The following PRKCQ variants were observed in gnomAD, a reference collection of about 807,000 sequenced individuals.
PRKCQ encodes the protein protein kinase C theta.
PRKCQ carries 41 observed loss-of-function variants against 91.2 expected under a neutral mutation model. The ratio of observed to expected loss-of-function variants is 0.45; its 90% CI spans 0.35 to 0.58. PRKCQ has a LOEUF of 0.58. Among genes scored for constraint, PRKCQ ranks in the 20% least tolerant of loss-of-function variants. PRKCQ has a pLI of 0.00. For missense variants in PRKCQ, 673 were observed against 896.5 expected, an observed-to-expected ratio of 0.75 and a Z score of 3.18; for synonymous variants, 307 against 316.9, an observed-to-expected ratio of 0.97 and a Z score of 0.33.
chr10:6,486,194 G>A (rs1245086421), intron 8 of PRKCQ, 50 bp from the exon 9 acceptor site: 2 of 1,450,960 alleles, frequency 1.4e-6, no homozygotes, highest in South Asian at 1.1e-5. Flanking sequence ...ACCCCCTGGT[G>A]CTAAACAACT....
intron 8 of PRKCQ, chr10:6,489,524 G>A (rs1179772492): frequency 2.0e-6 from 1 of 505,608 alleles, no homozygotes; most frequent in East Asian, 5.7e-5. Flanking sequence ...TAAGACGACG[G>A]CCTGCAAGGA....
intron 2 of PRKCQ, among the ~76,000 whole-genome samples, chr10:6,514,742 A>G (rs2130868304): frequency 6.6e-6 from 1 of 152,276 alleles, no homozygotes; most frequent in East Asian, 1.9e-4. Context: ...CTCCTTATGT[A>G]ATTTCCTCAA....
At chr10:6,397,110 GT>G in the PRKCQ span, among the ~76,000 whole-genome samples, 4 of 149,194 alleles carry the variant, frequency 2.7e-5, no homozygotes, top group South Asian at 2.1e-4. Context: ...TTATTTGCCT[GT>G]TTTTTTTTTG....
chr10:6,523,314 G>A (rs1171976358), intron 1 of PRKCQ, among the ~76,000 whole-genome samples: 3 of 151,958 alleles, frequency 2.0e-5, no homozygotes, highest in African/African-American at 7.3e-5. Flanking sequence ...AGCTGGGCAT[G>A]GTGGCACACA....
the PRKCQ span, among the ~76,000 whole-genome samples, chr10:6,400,511 T>G: frequency 2.0e-5 from 3 of 152,064 alleles, no homozygotes; most frequent in Non-Finnish European, 2.9e-5. Flanking sequence ...TGAACTATAT[T>G]TCAACACACA....
At chr10:6,407,441 G>A in the PRKCQ span, among the ~76,000 whole-genome samples, 13 of 150,332 alleles carry the variant, frequency 8.6e-5, no homozygotes, top group East Asian at 8.4e-4. The surrounding 1 kb of genome is among the most constrained non-coding windows in gnomAD (Gnocchi z 4.0). Context: ...ACATGTGTGC[G>A]CATGCATGCA....
At chr10:6,469,424 G>A (rs591441) in intron 12 of PRKCQ, among the ~76,000 whole-genome samples, 27,671 of 152,158 alleles carry the variant, frequency 0.18, 2,628 homozygotes, top group Middle Eastern at 0.3. Flanking sequence ...AGGTCCTGGG[G>A]AGTAGTTTAG....
chr10:6,446,357 G>GTTTTTTTTTT (rs66839272), intron 15 of PRKCQ, among the ~76,000 whole-genome samples: 1 of 79,600 alleles, frequency 1.3e-5, no homozygotes, highest in Non-Finnish European at 2.3e-5. Flanking sequence ...ACTATGCTCA[G>GTTTTTTTTTT]TTTTTTTTTT....
chr10:6,428,141 G>C lies in PRKCQ; in HGVS notation c.*66C>G. 2.5e-6 allele frequency: 4 copies of C among 1,584,504 alleles called. No individual in the cohort carries two copies. In the South Asian group the frequency reaches 4.5e-5, roughly 18 times the overall value. ...TTTCCAAGTTGAAAAAGGAACCCAA[G>C]CAGTGTCTCTTGAACCAGTTCCCAG... On this transcript the variant is annotated 3_prime_UTR_variant, in exon 18 of 18. Coordinates refer to ENST00000263125, the MANE Select transcript of PRKCQ (RefSeq NM_006257.5).
intron 4 of PRKCQ, among the ~76,000 whole-genome samples, chr10:6,501,639 T>C (rs183477619): frequency 7.0e-4 from 106 of 151,828 alleles, no homozygotes; most frequent in East Asian, 4.7e-3. Context: ...CTGACCAATA[T>C]GGTGAAACCC....
At position 6,465,636 on chromosome 10, in the gene PRKCQ, C is replaced by T. The variant is rs904191569; in HGVS notation, c.1354-1232G>A. ...TGGGTGGTTTCTTAACAGAATTAACCTTTACGTTTTGATGTGAACCCAACC... is the reference window on the plus strand; with the variant it reads ...TGGGTGGTTTCTTAACAGAATTAACTTTTACGTTTTGATGTGAACCCAACC... On this transcript the variant is annotated intron_variant, in intron 12 of 17. Transcript: ENST00000263125. The surrounding 1 kb of genome is among the most constrained non-coding windows in gnomAD (Gnocchi z 4.4). Among the ~76,000 whole-genome samples the T allele has an allele frequency of 2.6e-5, 4 of 152,182 alleles. No individual in the cohort carries two copies. The highest frequency in any genetic ancestry group is 2.6e-4 in the Admixed American group (4 of 15,278).
downstream of PRKCQ, among the ~76,000 whole-genome samples, chr10:6,424,572 C>G (rs1455025366): frequency 6.6e-6 from 1 of 152,164 alleles, no homozygotes; most frequent in Non-Finnish European, 1.5e-5. Flanking sequence ...TGTTCCCGGT[C>G]TGTGGGTGTT....
At chr10:6,495,807 G>A (rs1449639396) in intron 7 of PRKCQ, among the ~76,000 whole-genome samples, 1 of 152,192 alleles carries the variant, frequency 6.6e-6, no homozygotes, top group Non-Finnish European at 1.5e-5. Context: ...ACAGATGGCA[G>A]GATGGGAGGG....
chr10:6,498,318 C>T (rs1026187008), intron 5 of PRKCQ, 78 bp downstream of exon 5: 1 of 1,524,356 alleles, frequency 6.6e-7, no homozygotes, highest in East Asian at 2.3e-5. Flanking sequence ...CACAGTGGAG[C>T]ATGCCAGCGT....
rs185198449 is a variant in PRKCQ, at chr10:6,434,003, C to T, written c.1837-3065G>A. Among the ~76,000 whole-genome samples, 72 of 142,164 alleles carry T rather than the reference C, an allele frequency of 5.1e-4. 1 individual carries two copies. The highest frequency in any genetic ancestry group is 1.9e-3 in the African/African-American group (71 of 38,318). 93.3% of individuals were successfully genotyped at this position (142,164 alleles called of 152,430 possible). A position where few individuals can be genotyped will look rare whatever the true frequency, so the allele number is the denominator to read the frequency against. On this transcript the variant is annotated intron_variant, in intron 16 of 17. Coordinates refer to ENST00000263125, the MANE Select transcript of PRKCQ (RefSeq NM_006257.5). The stretch of plus-strand genomic sequence containing the variant: ...CCGAGATCGCACCACCACTGCACTC[C>T]AGCCTGGGCAACAGAGCAAGACTCC...
the PRKCQ span, among the ~76,000 whole-genome samples, chr10:6,415,452 A>ATATG: frequency 8.3e-6 from 1 of 120,024 alleles, no homozygotes; most frequent in Non-Finnish European, 1.7e-5. Flanking sequence ...ATATATATAT[A>ATATG]TATACACTTA....
intron 1 of PRKCQ, among the ~76,000 whole-genome samples, chr10:6,559,233 G>A (rs1840532414): frequency 6.6e-6 from 1 of 152,178 alleles, no homozygotes; most frequent in Non-Finnish European, 1.5e-5. Flanking sequence ...AAAAGAACTG[G>A]CAAAGGAACT....
At chr10:6,463,737 C>T (rs369232936) in intron 13 of PRKCQ, among the ~76,000 whole-genome samples, 1 of 152,148 alleles carries the variant, frequency 6.6e-6, no homozygotes, top group Non-Finnish European at 1.5e-5. Flanking sequence ...ACTTGCATGT[C>T]ATGGGGAGCA....
chr10:6,426,169 C>T (rs770729976), downstream of PRKCQ, among the ~76,000 whole-genome samples: 5 of 151,422 alleles, frequency 3.3e-5, no homozygotes, highest in South Asian at 2.1e-4. Context: ...CTTTAGATAG[C>T]GTCTTCACCA....
Sources: allele counts gnomAD v4.1 joint callset (sites outside exome capture counted in the v4.1 genomes callset), GRCh38; gene constraint gnomAD v4.1.1; non-coding constraint Gnocchi (gnomAD v3.1); transcripts MANE v1.5; gene names NCBI Gene and HGNC (gene_info 2026-07-23, HGNC 2026-07-21).